Variants in CADPS observed in about 807,000 individuals in gnomAD.
CADPS encodes the protein calcium-dependent secretion activator 1.
A neutral mutation model predicts 167.3 loss-of-function variants in CADPS; 57 were observed. The observed-to-expected ratio is 0.34, with a 90% CI of 0.28 to 0.42. The LOEUF (loss-of-function observed/expected upper bound fraction) is 0.42, where lower values mean the gene tolerates loss of function less well. Ranked by LOEUF, CADPS falls within the 20% of genes least tolerant of loss-of-function variation. CADPS has a pLI of 1.00. For missense variants in CADPS, 1,414 were observed against 1,738.1 expected, an observed-to-expected ratio of 0.81 and a Z score of 3.32; for synonymous variants, 676 against 635.3, an observed-to-expected ratio of 1.06 and a Z score of -0.96.
chr3:62,535,153 T>C (rs1478558687), intron 12 of CADPS, among the ~76,000 whole-genome samples: 4 of 151,980 alleles, frequency 2.6e-5, no homozygotes, highest in African/African-American at 4.8e-5. Flanking sequence ...TTTATAATTA[T>C]GTGAACAATC....
intron 3 of CADPS, among the ~76,000 whole-genome samples, chr3:62,717,996 G>GT (rs1370045814): frequency 6.6e-6 from 1 of 151,248 alleles, no homozygotes; most frequent in African/African-American, 2.4e-5. Context: ...CCTTCTCAAT[G>GT]TTTATTTCTT....
At chr3:62,572,060 C>T (rs1237202377) in intron 8 of CADPS, among the ~76,000 whole-genome samples, 1 of 152,178 alleles carries the variant, frequency 6.6e-6, no homozygotes, top group Non-Finnish European at 1.5e-5. Context: ...CTACTGTCAT[C>T]AACACCCACT....
At chr3:62,826,790 C>A (rs2074126817) in intron 1 of CADPS, among the ~76,000 whole-genome samples, 1 of 152,062 alleles carries the variant, frequency 6.6e-6, no homozygotes, top group African/African-American at 2.4e-5. Flanking sequence ...TAGCACCCAT[C>A]CTTAGGTTTG....
At chr3:62,700,801 G>A (rs7635510) in intron 3 of CADPS, among the ~76,000 whole-genome samples, 72,084 of 151,892 alleles carry the variant, frequency 0.47, 18,136 homozygotes, top group East Asian at 0.86. Context: ...AGTAGTAGAA[G>A]CAGCATGGGA....
intron 3 of CADPS, among the ~76,000 whole-genome samples, chr3:62,718,988 G>T (rs149291092): frequency 6.6e-6 from 1 of 152,180 alleles, no homozygotes. Flanking sequence ...AACATTTTTC[G>T]TGAGGGGAAG....
At chr3:62,586,094 C>G (rs1440885023) in intron 7 of CADPS, among the ~76,000 whole-genome samples, 1 of 152,114 alleles carries the variant, frequency 6.6e-6, no homozygotes, top group Non-Finnish European at 1.5e-5. Flanking sequence ...TCACGGAGTT[C>G]TCAGGAGACA....
At position 62,455,976 on chromosome 3, in the gene CADPS, T is replaced by C. The variant is rs75608926; in HGVS notation, c.3636+9391A>G. 0.034 allele frequency among the ~76,000 whole-genome samples: 5,143 copies of C among 152,296 alleles called. 123 individuals are homozygous for C. The highest frequency in any genetic ancestry group is 0.085 in the Middle Eastern group (25 of 294). Reference sequence around the variant, plus strand: ...ACTTATCTATCATAGCCTGGGTTTGTAACACAGTGGTTTGGTTTCTCTCTC... The same window carrying C: ...ACTTATCTATCATAGCCTGGGTTTGCAACACAGTGGTTTGGTTTCTCTCTC... On this transcript the variant is annotated intron_variant, in intron 26 of 29. Transcript: ENST00000383710. This position sits in a 1 kb window ranked among gnomAD's most constrained non-coding sequence, Gnocchi z 4.4.
chr3:62,663,555 C>G (rs2073787237), intron 3 of CADPS, among the ~76,000 whole-genome samples: 2 of 143,874 alleles, frequency 1.4e-5, no homozygotes, highest in Non-Finnish European at 3.0e-5. Flanking sequence ...TGTGAGTTTT[C>G]TAAGTCCCTT....
chr3:62,754,451 G>A (rs1261690859), intron 2 of CADPS, among the ~76,000 whole-genome samples: 7 of 152,094 alleles, frequency 4.6e-5, no homozygotes, highest in Non-Finnish European at 1.0e-4. Context: ...GCCTCCAAAA[G>A]TGCTGGGATT....
intron 16 of CADPS, among the ~76,000 whole-genome samples, chr3:62,515,728 A>G (rs989325362): frequency 9.9e-5 from 15 of 152,120 alleles, no homozygotes; most frequent in African/African-American, 3.4e-4. Flanking sequence ...GGGCAATTCT[A>G]CAGAACTCCT....
chr3:62,847,443 C>T (rs147671594), intron 1 of CADPS, among the ~76,000 whole-genome samples: 14,917 of 91,542 alleles, frequency 0.16, 1,720 homozygotes, highest in Middle Eastern at 0.33. Context: ...CCCACCCCAC[C>T]ACAGTCCCCA....
intron 1 of CADPS, among the ~76,000 whole-genome samples, chr3:62,809,668 C>T (rs11715133): frequency 0.18 from 26,777 of 152,104 alleles, 2,613 homozygotes; most frequent in Middle Eastern, 0.32. Flanking sequence ...ATTACTTGAA[C>T]AGTCTTCTGT....
intron 1 of CADPS, among the ~76,000 whole-genome samples, chr3:62,849,445 C>T (rs1422202399): frequency 2.0e-4 from 23 of 115,400 alleles, no homozygotes; most frequent in African/African-American, 2.7e-4. Context: ...TTTTGAAATA[C>T]GTCCCATCAA....
intron 1 of CADPS, among the ~76,000 whole-genome samples, chr3:62,792,269 C>A (rs1374292915): frequency 6.6e-6 from 1 of 151,318 alleles, no homozygotes; most frequent in Non-Finnish European, 1.5e-5. Flanking sequence ...GTGATCACAG[C>A]TCACTGCAAC....
intron 28 of CADPS, among the ~76,000 whole-genome samples, chr3:62,424,638 T>C (rs2149481222): frequency 6.6e-6 from 1 of 152,336 alleles, no homozygotes; most frequent in East Asian, 1.9e-4. Flanking sequence ...TTTACAAAAT[T>C]GTTTCAAAAG....
chr3:62,707,861 A>T (rs571667431), intron 3 of CADPS, among the ~76,000 whole-genome samples: 2 of 152,172 alleles, frequency 1.3e-5, no homozygotes, highest in East Asian at 3.9e-4. Context: ...TATGGCTTGC[A>T]TTATATTTGT....
At chr3:62,864,069 T>A (rs1430610750) in intron 1 of CADPS, among the ~76,000 whole-genome samples, 2 of 152,228 alleles carry the variant, frequency 1.3e-5, no homozygotes, top group Non-Finnish European at 2.9e-5. Flanking sequence ...TACATCAATT[T>A]AGTCACTATG....
intron 6 of CADPS, among the ~76,000 whole-genome samples, chr3:62,620,379 A>T (rs79313861): frequency 0.029 from 4,434 of 152,254 alleles, 223 homozygotes; most frequent in African/African-American, 0.1. Flanking sequence ...ACAGATGAAG[A>T]CATTGAAATT....
chr3:62,562,720 C>T (rs2079398543), intron 9 of CADPS, among the ~76,000 whole-genome samples: 1 of 152,198 alleles, frequency 6.6e-6, no homozygotes, highest in African/African-American at 2.4e-5. Context: ...GGGAACCACT[C>T]TCTTTTCAAC....
Sources: allele counts gnomAD v4.1 joint callset (sites outside exome capture counted in the v4.1 genomes callset), GRCh38; gene constraint gnomAD v4.1.1; non-coding constraint Gnocchi (gnomAD v3.1); transcripts MANE v1.5; gene names NCBI Gene and HGNC (gene_info 2026-07-23, HGNC 2026-07-21).